The following FREM2 variants were observed in gnomAD, a reference collection of about 807,000 sequenced individuals.
FREM2 encodes the protein FRAS1-related extracellular matrix protein 2.
Under a neutral mutation model 219.9 loss-of-function variants are expected in FREM2, and 119 were observed. That is an observed-to-expected ratio of 0.54 (90% CI 0.47 to 0.63). The LOEUF is 0.63. FREM2 is among the 30% of genes least tolerant of loss of function. The pLI is 0.00. For missense variants in FREM2, 4,030 were observed against 3,993.6 expected, an observed-to-expected ratio of 1.01 and a Z score of -0.25; for synonymous variants, 1,562 against 1,522.8, an observed-to-expected ratio of 1.03 and a Z score of -0.60.
At chr13:38,738,267 T>C (rs1212597994) in intron 2 of FREM2, among the ~76,000 whole-genome samples, 1 of 151,926 alleles carries the variant, frequency 6.6e-6, no homozygotes, top group Non-Finnish European at 1.5e-5. Context: ...ACATGTGCAA[T>C]GGAAACGGGA....
intron 11 of FREM2, among the ~76,000 whole-genome samples, chr13:38,854,120 A>G (rs1285405017): frequency 6.6e-6 from 1 of 151,414 alleles, no homozygotes; most frequent in Non-Finnish European, 1.5e-5. Context: ...TTCTTTGCAA[A>G]AAAAAAAACC....
intron 4 of FREM2, among the ~76,000 whole-genome samples, chr13:38,771,093 G>T (rs535612271): frequency 1.2e-4 from 18 of 152,244 alleles, no homozygotes; most frequent in African/African-American, 3.1e-4. Context: ...TGTGTTAAAA[G>T]ACTAAGCATA....
chr13:38,729,546 T>C (rs896125286), intron 2 of FREM2, among the ~76,000 whole-genome samples: 4 of 152,212 alleles, frequency 2.6e-5, no homozygotes, highest in African/African-American at 9.6e-5. Context: ...TTCTGTCATC[T>C]TTAGTCTTAC....
intron 8 of FREM2, among the ~76,000 whole-genome samples, chr13:38,849,538 C>G (rs1238496368): frequency 1.3e-5 from 2 of 152,194 alleles, no homozygotes; most frequent in African/African-American, 4.8e-5. Flanking sequence ...TCTGAACACT[C>G]TTCAATCATG....
intron 5 of FREM2, among the ~76,000 whole-genome samples, chr13:38,784,200 A>G (rs1488444503): frequency 2.6e-5 from 4 of 152,214 alleles, no homozygotes; most frequent in Non-Finnish European, 4.4e-5. Flanking sequence ...AGCCAGGTGG[A>G]GTGGTTGAGA....
intron 2 of FREM2, among the ~76,000 whole-genome samples, chr13:38,710,401 C>G (rs1021396338): frequency 2.0e-5 from 3 of 152,156 alleles, no homozygotes; most frequent in African/African-American, 7.2e-5. Flanking sequence ...AATCTATGTA[C>G]TTCAGGACCA....
chr13:38,706,561 T>A (rs2138089329), intron 2 of FREM2, among the ~76,000 whole-genome samples: 1 of 152,310 alleles, frequency 6.6e-6, no homozygotes, highest in Non-Finnish European at 1.5e-5. Flanking sequence ...ATGTAGATAC[T>A]CCTAACAAGT....
chr13:38,834,142 A>G (rs1876619163), intron 6 of FREM2, among the ~76,000 whole-genome samples: 1 of 151,914 alleles, frequency 6.6e-6, no homozygotes, highest in Non-Finnish European at 1.5e-5. Context: ...TACATTAGGT[A>G]TTTCTCCTAA....
intron 16 of FREM2, among the ~76,000 whole-genome samples, chr13:38,869,700 C>T (rs1878093687): frequency 6.6e-6 from 1 of 152,182 alleles, no homozygotes; most frequent in African/African-American, 2.4e-5. Context: ...AATGATTCCA[C>T]TCTACCTTTG....
At chr13:38,729,290 G>A (rs1411777240) in intron 2 of FREM2, among the ~76,000 whole-genome samples, 1 of 151,992 alleles carries the variant, frequency 6.6e-6, no homozygotes, top group Non-Finnish European at 1.5e-5. Context: ...TTCTGTGTGT[G>A]TCTATGACAT....
intron 4 of FREM2, among the ~76,000 whole-genome samples, chr13:38,772,911 G>A (rs143934474): frequency 0.069 from 10,504 of 151,954 alleles, 483 homozygotes; most frequent in South Asian, 0.17. Flanking sequence ...TGGCCAGGCT[G>A]GTCTGGAACT....
At chr13:38,872,702 A>G in intron 16 of FREM2, 40 bp from the exon 17 acceptor site, 1 of 1,568,186 alleles carries the variant, frequency 6.4e-7, no homozygotes, top group African/African-American at 1.4e-5. Flanking sequence ...CACTTAGTTA[A>G]CACTGAGTCA....
At chr13:38,819,775 TC>T (rs1009827048) in intron 6 of FREM2, among the ~76,000 whole-genome samples, 1 of 152,132 alleles carries the variant, frequency 6.6e-6, no homozygotes, top group Non-Finnish European at 1.5e-5. Context: ...CTGGGTTTTA[TC>T]ATCTGTGAGT....
rs2138069212 is a variant in FREM2 at position 38,690,741 on chromosome 13, A to G, written c.3397A>G (p.Ile1133Val). The stretch of plus-strand genomic sequence containing the variant: ...TGAGAAATCAAGAGCAGGGATTGCC[A>G]TAAGTGCTTTCAACTTGAAAGATCT... Reference protein sequence around the residue: ...GSEKSRAGIAISAFNLKDLRQ... With the variant: ...GSEKSRAGIAVSAFNLKDLRQ... Residue 1133 changes from isoleucine to valine, a missense_variant, in exon 1 of 24, where the codon ATA (isoleucine) becomes GTA (valine). Physicochemically the swap from Ile to Val is conservative, Grantham distance 29 (BLOSUM62 3). Around this residue, in one of 2 missense-constraint regions of FREM2, gnomAD observed 3,102 missense variants for 2,950.7 expected, o/e 1.05. Coordinates refer to ENST00000280481, the MANE Select transcript of FREM2 (RefSeq NM_207361.6). 2.5e-6 allele frequency: 4 copies of G among 1,614,172 alleles called. No individual in the cohort carries two copies. Among genetic ancestry groups the G allele is most frequent in the Non-Finnish European group, 2.5e-6 (3 of 1,180,014 alleles).
At chr13:38,706,318 G>C (rs1175988505) in intron 2 of FREM2, among the ~76,000 whole-genome samples, 1 of 152,180 alleles carries the variant, frequency 6.6e-6, no homozygotes, top group Non-Finnish European at 1.5e-5. Flanking sequence ...TAAATGCCAT[G>C]TTTATTCAGA....
chr13:38,724,708 G>C (rs2442360), intron 2 of FREM2, among the ~76,000 whole-genome samples: 2,982 of 152,222 alleles, frequency 0.02, 114 homozygotes, highest in African/African-American at 0.07. Flanking sequence ...GGGCCTTTCT[G>C]TTTCTTTGTT....
At chr13:38,847,612 A>G (rs1877212529) in intron 7 of FREM2, among the ~76,000 whole-genome samples, 1 of 152,146 alleles carries the variant, frequency 6.6e-6, no homozygotes, top group African/African-American at 2.4e-5. Context: ...AAAAAAATAT[A>G]AAAAGAACCA....
At chr13:38,816,067 T>A (rs763331067) in intron 6 of FREM2, among the ~76,000 whole-genome samples, 2 of 152,200 alleles carry the variant, frequency 1.3e-5, no homozygotes, top group Non-Finnish European at 2.9e-5. Flanking sequence ...CAGTAATGAC[T>A]GAGGACATTG....
chr13:38,731,907 G>A (rs530887409), intron 2 of FREM2, among the ~76,000 whole-genome samples: 9 of 152,268 alleles, frequency 5.9e-5, no homozygotes, highest in African/African-American at 9.6e-5. Context: ...AAGAAAATCC[G>A]CTAGTGAAAA....
Sources: allele counts gnomAD v4.1 joint callset (sites outside exome capture counted in the v4.1 genomes callset), GRCh38; gene constraint gnomAD v4.1.1; regional missense constraint gnomAD v4.1.1; transcripts MANE v1.5; gene names NCBI Gene and HGNC (gene_info 2026-07-23, HGNC 2026-07-21).